CNTN4: variants seen among roughly 807,000 people sequenced by gnomAD.
CNTN4 encodes contactin-4.
In CNTN4, 77 loss-of-function variants were observed where a neutral mutation model predicts 122.5. The observed-to-expected ratio is 0.63, with a 90% confidence interval of 0.52 to 0.76. CNTN4 has a LOEUF of 0.76. CNTN4 is among the 30% of genes least tolerant of loss of function. The probability of loss-of-function intolerance (pLI) is 0.00; values close to 1 mark genes in which losing one functional copy is unlikely to be tolerated. For synonymous variants in CNTN4, 512 were observed against 447.0 expected (o/e 1.15, Z -1.83); for missense variants, 1,256 against 1,259.1 (o/e 1.00, Z 0.04).
intron 23 of CNTN4, among the ~76,000 whole-genome samples, chr3:3,051,766 A>G (rs1243201682): frequency 6.6e-6 from 1 of 152,196 alleles, no homozygotes; most frequent in African/African-American, 2.4e-5. Flanking sequence ...AATGCCAGGG[A>G]ACAGATGGGT....
At chr3:2,725,446 T>C (rs923922338) in intron 4 of CNTN4, among the ~76,000 whole-genome samples, 2 of 152,196 alleles carry the variant, frequency 1.3e-5, no homozygotes, top group African/African-American at 4.8e-5. Context: ...CAAATGCATA[T>C]TGAAGGCATT....
At position 2,563,287 on chromosome 3, in the gene CNTN4, T is replaced by C. The variant is rs528525816; in HGVS notation, c.-88-8129T>C. ...AAACTATACATAAAAAGAACGCATGTCAGTGCATAAAATATACAATAAACA... is the reference window on the plus strand; with the variant it reads ...AAACTATACATAAAAAGAACGCATGCCAGTGCATAAAATATACAATAAACA... On this transcript the variant is annotated intron_variant, in intron 3 of 24. Transcript: ENST00000418658. Among the ~76,000 whole-genome samples, 4 of 152,320 alleles carry C rather than the reference T, an allele frequency of 2.6e-5. No individual in the cohort carries two copies. In the East Asian group the frequency reaches 7.7e-4, roughly 29 times the overall value.
At chr3:2,977,594 G>A (rs1042937035) in intron 13 of CNTN4, among the ~76,000 whole-genome samples, 14 of 152,026 alleles carry the variant, frequency 9.2e-5, no homozygotes, top group African/African-American at 3.4e-4. Flanking sequence ...GCTGGAAGGA[G>A]GCTGAGCAGT....
At chr3:2,892,819 A>T (rs2094059022) in intron 10 of CNTN4, among the ~76,000 whole-genome samples, 1 of 152,234 alleles carries the variant, frequency 6.6e-6, no homozygotes, top group Non-Finnish European at 1.5e-5. Flanking sequence ...CTTAAGCTGG[A>T]AGCAACTGCT....
At chr3:2,630,030 G>A (rs2082362287) in intron 4 of CNTN4, among the ~76,000 whole-genome samples, 1 of 152,172 alleles carries the variant, frequency 6.6e-6, no homozygotes, top group Non-Finnish European at 1.5e-5. Context: ...TTTTGTAAAT[G>A]AAGTTTCATT....
intron 3 of CNTN4, among the ~76,000 whole-genome samples, chr3:2,555,209 C>A (rs995523341): frequency 6.6e-6 from 1 of 152,170 alleles, no homozygotes; most frequent in Non-Finnish European, 1.5e-5. Context: ...CACTTATCCA[C>A]AAAGGTAACC....
chr3:2,745,574 G>C lies in CNTN4; in HGVS notation c.235G>C (p.Val79Leu). 6.2e-7 allele frequency: 1 copy of C among 1,614,164 alleles called. No individual in the cohort carries two copies. Among genetic ancestry groups the C allele is most frequent in the South Asian group, 1.1e-5 (1 of 91,090 alleles). Reference protein sequence around the residue: ...VDTGMDFRYSVVEGSLLINNP... With the variant: ...VDTGMDFRYSLVEGSLLINNP... ...CACTGGTATGGATTTCCGCTACAGTGTTGTTGAAGGGAGCTTGTTGATCAA... is the reference window on the plus strand; with the variant it reads ...CACTGGTATGGATTTCCGCTACAGTCTTGTTGAAGGGAGCTTGTTGATCAA... The change falls in exon 6 of 25, where the codon GTT becomes CTT. Residue 79 changes from valine (V) to leucine (L), a missense_variant. Val to Leu is a conservative substitution (Grantham distance 32). Coordinates refer to ENST00000418658, the MANE Select transcript of CNTN4 (RefSeq NM_175607.3).
chr3:2,663,413 C>G (rs891114787), intron 4 of CNTN4, among the ~76,000 whole-genome samples: 1 of 151,996 alleles, frequency 6.6e-6, no homozygotes, highest in South Asian at 2.1e-4. Context: ...AAGAATATTT[C>G]CTGGGCATGT....
Position 2,416,380 on chromosome 3 carries a change from A to G in CNTN4, c.-89+77147A>G, listed in dbSNP as rs568495626. ...AGTTTTTCATTTTTAAATTGGAGATAGTAGGAATATCTGCGTTATATAACA... is the reference window on the plus strand; with the variant it reads ...AGTTTTTCATTTTTAAATTGGAGATGGTAGGAATATCTGCGTTATATAACA... On this transcript the variant is annotated intron_variant, in intron 3 of 24. Transcript: ENST00000418658. 9.9e-4 allele frequency among the ~76,000 whole-genome samples: 151 copies of G among 152,316 alleles called. 1 individual carries two copies. Among genetic ancestry groups the G allele is most frequent in the African/African-American group, 3.6e-3 (148 of 41,578 alleles).
intron 3 of CNTN4, among the ~76,000 whole-genome samples, chr3:2,409,871 CT>C (rs1175503195): frequency 1.3e-5 from 2 of 151,698 alleles, no homozygotes; most frequent in Non-Finnish European, 2.9e-5. Flanking sequence ...TATATATATA[CT>C]GAAACAGACA....
intron 3 of CNTN4, among the ~76,000 whole-genome samples, chr3:2,534,317 T>A (rs2077714390): frequency 6.6e-6 from 1 of 152,218 alleles, no homozygotes; most frequent in Non-Finnish European, 1.5e-5. Flanking sequence ...TTCAGCTTTC[T>A]ACATATGGCT....
At chr3:2,918,603 G>A (rs141264151) in intron 12 of CNTN4, among the ~76,000 whole-genome samples, 24 of 152,280 alleles carry the variant, frequency 1.6e-4, no homozygotes, top group African/African-American at 5.5e-4. Context: ...GCCAAGGTAG[G>A]AATATTTACA....
chr3:2,985,913 T>C (rs1354048437), intron 13 of CNTN4, among the ~76,000 whole-genome samples: 1 of 100,642 alleles, frequency 9.9e-6, no homozygotes, highest in East Asian at 2.4e-4. Context: ...AAGAGAATAC[T>C]TTTTTTTTTT....
chr3:2,264,670 C>G (rs1030368765), intron 2 of CNTN4, among the ~76,000 whole-genome samples: 1 of 151,800 alleles, frequency 6.6e-6, no homozygotes, highest in Non-Finnish European at 1.5e-5. Flanking sequence ...TTTTTGTTGC[C>G]TGTGCTTTTG....
chr3:2,733,956 A>T (rs928085006), intron 4 of CNTN4, among the ~76,000 whole-genome samples: 1 of 152,174 alleles, frequency 6.6e-6, no homozygotes, highest in Non-Finnish European at 1.5e-5. Flanking sequence ...AGACAGTGGT[A>T]GTGGTGATAT....
intron 3 of CNTN4, among the ~76,000 whole-genome samples, chr3:2,539,940 T>G (rs955470041): frequency 6.6e-6 from 1 of 152,064 alleles, no homozygotes; most frequent in Admixed American, 6.6e-5. Context: ...ACTCAAGAGT[T>G]ATTCCAATTT....
chr3:2,522,146 AGTTTGTGTGTGTGTGT>A (rs1162090325), intron 3 of CNTN4, among the ~76,000 whole-genome samples: 50 of 134,554 alleles, frequency 3.7e-4, no homozygotes, highest in African/African-American at 1.1e-3. Context: ...CTGCCTAAGC[AGTTTGTGTGTGTGTGT>A]GTGTGTGTGT....
intron 3 of CNTN4, among the ~76,000 whole-genome samples, chr3:2,363,165 C>A (rs1336526681): frequency 6.6e-6 from 1 of 152,052 alleles, no homozygotes; most frequent in African/African-American, 2.4e-5. Flanking sequence ...CATTAGTAAG[C>A]CATGTTTTTA....
intron 4 of CNTN4, among the ~76,000 whole-genome samples, chr3:2,668,873 G>C (rs1178876054): frequency 6.6e-6 from 1 of 152,164 alleles, no homozygotes; most frequent in Non-Finnish European, 1.5e-5. Flanking sequence ...CGTTGGTTCT[G>C]TTTATATGCT....
Sources: gnomAD v4.1 joint callset for allele counts (sites outside exome capture counted in the v4.1 genomes callset) on GRCh38, gnomAD v4.1.1 for gene constraint, MANE v1.5 for transcripts, NCBI Gene and HGNC (gene_info 2026-07-23, HGNC 2026-07-21) for gene names.